CSMD2: variants seen among roughly 807,000 people sequenced by gnomAD.
CSMD2 encodes the protein CUB and sushi domain-containing protein 2.
Under a neutral mutation model 398.5 loss-of-function variants are expected in CSMD2, and 130 were observed. That is an observed-to-expected ratio of 0.33 (90% CI 0.28 to 0.38). The LOEUF (loss-of-function observed/expected upper bound fraction) is 0.38. Among genes scored for constraint, CSMD2 ranks in the 10% least tolerant of loss-of-function variants. The pLI, the probability that CSMD2 is intolerant of heterozygous loss-of-function variation, is 1.00. For synonymous variants in CSMD2, 1,828 were observed against 1,908.5 expected (o/e 0.96, Z 1.10); for missense variants, 3,829 against 4,764.9 (o/e 0.80, Z 5.78).
At chr1:33,834,176 A>C (rs1182192032) in intron 6 of CSMD2, among the ~76,000 whole-genome samples, 1 of 96,750 alleles carries the variant, frequency 1.0e-5, no homozygotes, top group Non-Finnish European at 1.9e-5. Flanking sequence ...GAACCAAAAA[A>C]GAGCCCGCAT....
intron 2 of CSMD2, among the ~76,000 whole-genome samples, chr1:34,078,076 C>A (rs540006091): frequency 6.6e-6 from 1 of 152,176 alleles, no homozygotes; most frequent in South Asian, 2.1e-4. Context: ...TTCAAACAAT[C>A]CTCTTGCCTC....
At chr1:34,114,988 A>T (rs12728607) in intron 1 of CSMD2, among the ~76,000 whole-genome samples, 1 of 152,132 alleles carries the variant, frequency 6.6e-6, no homozygotes. Context: ...TCAATAACAG[A>T]CTTAAGCAGA....
chr1:33,919,757 C>T (rs1272204157), intron 4 of CSMD2, among the ~76,000 whole-genome samples: 1 of 152,148 alleles, frequency 6.6e-6, no homozygotes, highest in Non-Finnish European at 1.5e-5. Context: ...ATGCTCAAGG[C>T]GCAGTGATAG....
intron 3 of CSMD2, among the ~76,000 whole-genome samples, chr1:33,941,773 A>T (rs903841056): frequency 6.6e-6 from 1 of 152,024 alleles, no homozygotes; most frequent in Non-Finnish European, 1.5e-5. Flanking sequence ...ATCCCCAAAG[A>T]GTTTTCTATA....
intron 1 of CSMD2, among the ~76,000 whole-genome samples, chr1:34,089,686 C>A (rs1658332076): frequency 6.6e-6 from 1 of 152,134 alleles, no homozygotes; most frequent in Non-Finnish European, 1.5e-5. Context: ...TGTCTTCATT[C>A]CTGCTACAGA....
intron 25 of CSMD2, among the ~76,000 whole-genome samples, chr1:33,689,901 G>A (rs732889): frequency 0.58 from 88,914 of 152,022 alleles, 26,285 homozygotes; most frequent in East Asian, 0.66. Context: ...GTAGGTACGC[G>A]GGTACTTGGT....
chr1:34,075,709 T>G (rs1656248515), intron 2 of CSMD2, among the ~76,000 whole-genome samples: 1 of 152,222 alleles, frequency 6.6e-6, no homozygotes, highest in Non-Finnish European at 1.5e-5. Context: ...CTTCATAGAT[T>G]ATGTTTGCTC....
intron 1 of CSMD2, among the ~76,000 whole-genome samples, chr1:34,096,518 T>A (rs1176413098): frequency 2.1e-5 from 3 of 146,332 alleles, no homozygotes; most frequent in Admixed American, 1.4e-4. Flanking sequence ...AACCCCATTG[T>A]CTCAGCCCAA....
At chr1:33,953,324 T>C (rs1645065493) in intron 3 of CSMD2, among the ~76,000 whole-genome samples, 1 of 151,762 alleles carries the variant, frequency 6.6e-6, no homozygotes, top group African/African-American at 2.4e-5. Context: ...AATAAATGAA[T>C]TTAAATTTGC....
At chr1:34,027,580 C>T (rs1281777706) in intron 3 of CSMD2, among the ~76,000 whole-genome samples, 1 of 152,184 alleles carries the variant, frequency 6.6e-6, no homozygotes, top group Non-Finnish European at 1.5e-5. Context: ...TGTTCTTCAC[C>T]TAAATGTCCA....
chr1:33,701,125 A>C (rs1444671920), intron 22 of CSMD2, among the ~76,000 whole-genome samples: 1 of 152,314 alleles, frequency 6.6e-6, no homozygotes, highest in East Asian at 1.9e-4. Context: ...TGAGACAGCC[A>C]TCCTCTCACC....
Position 33,716,445 on chromosome 1 carries a change from T to A in CSMD2, c.3058A>T (p.Ile1020Phe), listed in dbSNP as rs1221984809. The A allele has an allele frequency of 6.2e-7, 1 of 1,613,792 alleles. No individual in the cohort carries two copies. The highest frequency in any genetic ancestry group is 8.5e-7 in the Non-Finnish European group (1 of 1,180,022). Residue 1020 changes from isoleucine (I) to phenylalanine (F), a missense_variant, in exon 20 of 71, where the codon ATC becomes TTC. Transcript: ENST00000373381. ...TGGGTGAAGCTGCCGTTCTCAGTGA[T>A]GAGGAGGTAGTCATGGCCACTTTCC... ...HLESGHDYLLITENGSFTQPL... is the reference protein window; with the variant it reads ...HLESGHDYLLFTENGSFTQPL...
chr1:33,983,790 T>A lies in CSMD2; in HGVS notation c.518-47836A>T, dbSNP rs188657905. Among the ~76,000 whole-genome samples, 671 of 152,232 alleles carry A rather than the reference T, an allele frequency of 4.4e-3. 4 individuals are homozygous for A. Among genetic ancestry groups the A allele is most frequent in the Non-Finnish European group, 7.4e-3 (502 of 68,002 alleles). ...TGGGCAGCCTGCCTCCCTGAAGCTGTTAGCCGAGAGTGAACATTAACATCT... is the reference window on the plus strand; with the variant it reads ...TGGGCAGCCTGCCTCCCTGAAGCTGATAGCCGAGAGTGAACATTAACATCT... On this transcript the variant is annotated intron_variant, in intron 3 of 70. Coordinates refer to ENST00000373381, the MANE Select transcript of CSMD2 (RefSeq NM_001281956.2).
In CSMD2 at chr1:33,637,567, T is replaced by C. The variant is rs184367747; in HGVS notation, c.4775-1013A>G. Among the ~76,000 whole-genome samples the C allele has an allele frequency of 5.1e-4, 77 of 152,312 alleles. No homozygotes were observed. In the East Asian group the frequency reaches 7.3e-3, roughly 15 times the overall value. On this transcript the variant is annotated intron_variant, in intron 29 of 70. Coordinates refer to ENST00000373381, the MANE Select transcript of CSMD2 (RefSeq NM_001281956.2). ...CTGGGAGCCCATGCTCACGCTTCTA[T>C]GCATGATTACCTTTCCTCCGTCCTC... is the stretch of plus-strand genomic sequence containing the variant.
At chr1:34,143,574 G>A (rs566986917) in intron 1 of CSMD2, among the ~76,000 whole-genome samples, 1 of 152,320 alleles carries the variant, frequency 6.6e-6, no homozygotes, top group South Asian at 2.1e-4. Flanking sequence ...TTAGGGGGAT[G>A]TGGGCCAAAG....
chr1:33,713,676 TC>T (rs1646064754), intron 21 of CSMD2, among the ~76,000 whole-genome samples: 1 of 152,034 alleles, frequency 6.6e-6, no homozygotes, highest in Non-Finnish European at 1.5e-5. Context: ...GCCTCTAACC[TC>T]CACATCTCCT....
Position 33,519,301 on chromosome 1 carries a change from G to A in CSMD2, c.*53+164C>T, listed in dbSNP as rs1654030714. ...GGATTCAATATATTAGATCCACAAA[G>A]GGCCTGGTTCAGTGCCTGTTACACA... On this transcript the variant is annotated intron_variant, in intron 70 of 70. Transcript: ENST00000373381. This position sits in a 1 kb window ranked among gnomAD's most constrained non-coding sequence, Gnocchi z 5.6. 6.6e-6 allele frequency among the ~76,000 whole-genome samples: 1 copy of A among 152,176 alleles called. No homozygotes were observed. Among genetic ancestry groups the A allele is most frequent in the Admixed American group, 6.5e-5 (1 of 15,274 alleles).
At chr1:33,679,510 G>T (rs1273809958) in intron 25 of CSMD2, among the ~76,000 whole-genome samples, 1 of 152,160 alleles carries the variant, frequency 6.6e-6, no homozygotes, top group Non-Finnish European at 1.5e-5. Context: ...TCAAATACTA[G>T]TTCTGAGAGA....
At chr1:33,993,465 T>G (rs1255486091) in intron 3 of CSMD2, among the ~76,000 whole-genome samples, 1 of 152,108 alleles carries the variant, frequency 6.6e-6, no homozygotes, top group Non-Finnish European at 1.5e-5. Context: ...CTCGGACTTG[T>G]GTTCTCGACC....
Sources: allele counts gnomAD v4.1 joint callset (sites outside exome capture counted in the v4.1 genomes callset), GRCh38; gene constraint gnomAD v4.1.1; non-coding constraint Gnocchi (gnomAD v3.1); transcripts MANE v1.5; gene names NCBI Gene and HGNC (gene_info 2026-07-23, HGNC 2026-07-21).